GABPB1: variants seen among roughly 807,000 people sequenced by gnomAD.
The protein encoded by GABPB1 is GA binding protein transcription factor subunit beta 1.
A neutral mutation model predicts 45.9 loss-of-function variants in GABPB1; 15 were observed. That is an observed-to-expected ratio of 0.33 (90% CI 0.22 to 0.50). The LOEUF (loss-of-function observed/expected upper bound fraction) is 0.50, where lower values mean the gene tolerates loss of function less well. GABPB1 is among the 20% of genes least tolerant of loss of function. The pLI is 0.98. For missense variants in GABPB1, 252 were observed against 457.5 expected (o/e 0.55, Z 4.10); for synonymous variants, 143 against 154.4 (o/e 0.93, Z 0.55).
intron 4 of GABPB1, among the ~76,000 whole-genome samples, chr15:50,301,658 T>C (rs2046751852): frequency 6.6e-6 from 1 of 152,052 alleles, no homozygotes; most frequent in Non-Finnish European, 1.5e-5. Context: ...CTGGCTGAGG[T>C]GGCAGGTGCC....
chr15:50,302,216 A>G lies in GABPB1; in HGVS notation c.471+713T>C, dbSNP rs930883122. On this transcript the variant is annotated intron_variant, in intron 4 of 8. Transcript: ENST00000380877. ...GAGGATGCTGAAAGATAAAAGAAAC[A>G]AATCAAACTGCATCACTCACTCAAG... 2.0e-5 allele frequency among the ~76,000 whole-genome samples: 3 copies of G among 152,358 alleles called. No homozygotes were observed. In the South Asian group the frequency reaches 6.2e-4, roughly 32 times the overall value.
At chr15:50,296,905 C>CTTTTTTTTTTTTTTTTTTTTTTTTTT (rs72486745) in intron 6 of GABPB1, among the ~76,000 whole-genome samples, 1 of 91,380 alleles carries the variant, frequency 1.1e-5, no homozygotes, top group Non-Finnish European at 2.1e-5. Context: ...TAACTTAATT[C>CTTTTTTTTTTTTTTTTTTTTTTTTTT]TTTTTTTTTT....
At chr15:50,333,316 G>C (rs1023701325) in intron 1 of GABPB1, among the ~76,000 whole-genome samples, 5 of 152,148 alleles carry the variant, frequency 3.3e-5, no homozygotes, top group African/African-American at 1.2e-4. Context: ...TTAAAAATTA[G>C]ACAGGTCGAG....
chr15:50,338,080 C>T (rs1229384286), intron 1 of GABPB1, among the ~76,000 whole-genome samples: 3 of 152,144 alleles, frequency 2.0e-5, no homozygotes, highest in Non-Finnish European at 4.4e-5. Flanking sequence ...CACTCTGTGG[C>T]CCAGGATGTA....
At chr15:50,343,968 A>G (rs998956803) in intron 1 of GABPB1, among the ~76,000 whole-genome samples, 11 of 152,216 alleles carry the variant, frequency 7.2e-5, no homozygotes, top group African/African-American at 2.7e-4. Context: ...TTTACTCATT[A>G]CCACCTAACA....
At chr15:50,329,459 T>C (rs76060391) in intron 1 of GABPB1, among the ~76,000 whole-genome samples, 1 of 152,200 alleles carries the variant, frequency 6.6e-6, no homozygotes, top group Non-Finnish European at 1.5e-5. Context: ...ATACATATCA[T>C]ATGGTGTCAA....
At chr15:50,310,567 AAAAC>A (rs1251383017) in intron 1 of GABPB1, among the ~76,000 whole-genome samples, 1 of 152,260 alleles carries the variant, frequency 6.6e-6, no homozygotes, top group Non-Finnish European at 1.5e-5. Flanking sequence ...AAAATTTTAA[AAAAC>A]AAATTTTCTG....
intron 1 of GABPB1, chr15:50,350,452 C>T (rs1294770515): frequency 2.0e-5 from 3 of 150,076 alleles, no homozygotes; most frequent in South Asian, 4.3e-4. Flanking sequence ...AGAAGGTATG[C>T]CAATTTTTAA....
intron 1 of GABPB1, among the ~76,000 whole-genome samples, chr15:50,334,496 CTTTTTT>C (rs1312182453): frequency 3.1e-5 from 4 of 131,132 alleles, no homozygotes; most frequent in Non-Finnish European, 6.6e-5. Context: ...TTATCTTTTT[CTTTTTT>C]TCCTTTTTTT....
At chr15:50,342,314 G>A (rs931701424) in intron 1 of GABPB1, among the ~76,000 whole-genome samples, 3 of 147,100 alleles carry the variant, frequency 2.0e-5, no homozygotes, top group Non-Finnish European at 4.5e-5. Context: ...ATTCAGACAA[G>A]GATTGATCTC....
chr15:50,300,297 A>G (rs2046681366), intron 6 of GABPB1, among the ~76,000 whole-genome samples: 1 of 152,148 alleles, frequency 6.6e-6, no homozygotes, highest in African/African-American at 2.4e-5. Context: ...ACTGATGACT[A>G]TAATCAGCTA....
At chr15:50,296,622 C>T (rs1457363491) in intron 6 of GABPB1, among the ~76,000 whole-genome samples, 1 of 152,130 alleles carries the variant, frequency 6.6e-6, no homozygotes, top group Non-Finnish European at 1.5e-5. Context: ...GCCATATGCC[C>T]TTTGATAAAA....
intron 6 of GABPB1, among the ~76,000 whole-genome samples, chr15:50,300,339 C>T (rs2046683012): frequency 6.6e-6 from 1 of 151,888 alleles, no homozygotes; most frequent in South Asian, 2.1e-4. Flanking sequence ...CCTGCCCTTG[C>T]CCCATTCTTC....
At chr15:50,352,094 T>A (rs2048854739) in intron 1 of GABPB1, 1 of 152,174 alleles carries the variant, frequency 6.6e-6, no homozygotes, top group African/African-American at 2.4e-5. Context: ...GAACTCAGGC[T>A]ACTTGCAAAC....
chr15:50,303,241 T>C lies in GABPB1; in HGVS notation c.277-118A>G, dbSNP rs185146410. On this transcript the variant is annotated intron_variant, in intron 3 of 8. Coordinates refer to ENST00000380877, the MANE Select transcript of GABPB1 (RefSeq NM_016654.5). Reference sequence around the variant, plus strand: ...AACAAATAATGTAGTCAATTATTTATATGTATATGTTAAATAGATGTTCCA... The same window carrying C: ...AACAAATAATGTAGTCAATTATTTACATGTATATGTTAAATAGATGTTCCA... 147 of 779,312 alleles carry C rather than the reference T, an allele frequency of 1.9e-4. No individual in the cohort carries two copies. The African/African-American group carries it at 2.0e-3, about 11-fold the overall frequency. The allele number at this position is 779,312 out of a possible 1,614,324, so 48.3% of individuals were successfully genotyped here. A position where few individuals can be genotyped will look rare whatever the true frequency, so the allele number is the denominator to read the frequency against.
At chr15:50,353,870 T>C (rs1233902931) in intron 1 of GABPB1, 1 of 153,266 alleles carries the variant, frequency 6.5e-6, no homozygotes, top group African/African-American at 2.4e-5. Context: ...CGTACTTCAG[T>C]AACTTGCCTG....
intron 1 of GABPB1, among the ~76,000 whole-genome samples, chr15:50,337,128 TA>T (rs10580526): frequency 0.075 from 490 of 6,576 alleles, 23 homozygotes; most frequent in East Asian, 0.15. Context: ...TATATATATA[TA>T]ATATGAAGAG....
intron 1 of GABPB1, among the ~76,000 whole-genome samples, chr15:50,328,454 G>A (rs1447169890): frequency 6.6e-6 from 1 of 151,846 alleles, no homozygotes; most frequent in African/African-American, 2.4e-5. Flanking sequence ...GTAATTTCTT[G>A]ATCTTCCATA....
intron 1 of GABPB1, among the ~76,000 whole-genome samples, chr15:50,345,750 C>T (rs756546301): frequency 1.3e-4 from 19 of 151,526 alleles, no homozygotes; most frequent in Non-Finnish European, 2.4e-4. Context: ...CTCGCTCTGT[C>T]GCCTAGTCTG....
Sources: allele counts gnomAD v4.1 joint callset (sites outside exome capture counted in the v4.1 genomes callset), GRCh38; gene constraint gnomAD v4.1.1; transcripts MANE v1.5; gene names NCBI Gene and HGNC (gene_info 2026-07-23, HGNC 2026-07-21).